The following STK17B variants were observed in gnomAD, a reference collection of about 807,000 sequenced individuals.
The protein encoded by STK17B is serine/threonine kinase 17b, also known as serine/threonine-protein kinase 17B.
A neutral mutation model predicts 42.0 loss-of-function variants in STK17B; 21 were observed. The observed-to-expected ratio is 0.50, with a 90% CI of 0.35 to 0.72. The LOEUF is 0.72. STK17B is among the 30% of genes least tolerant of loss of function. The probability of loss-of-function intolerance (pLI) is 0.00; values close to 1 mark genes in which losing one functional copy is unlikely to be tolerated. For synonymous variants in STK17B, 143 were observed against 148.4 expected (o/e 0.96, Z 0.26); for missense variants, 349 against 446.0 (o/e 0.78, Z 1.96).
At chr2:196,159,510 CTA>C (rs1048600700) in intron 2 of STK17B, among the ~76,000 whole-genome samples, 3 of 152,116 alleles carry the variant, frequency 2.0e-5, no homozygotes, top group African/African-American at 7.2e-5. Flanking sequence ...CAGTGTCTCC[CTA>C]TGTTGCCCAG....
rs1011615926 is a variant in STK17B, at chr2:196,136,195, G to A, written c.*1252C>T. ...TAACATGATAACAGACCAATATAAC[G>A]GTCATCAGGTGAAAATTCATAAAAG... On this transcript the variant is annotated 3_prime_UTR_variant, in exon 8 of 8. Transcript: ENST00000263955. 3 of 152,160 alleles carry A rather than the reference G, an allele frequency of 2.0e-5. No homozygotes were observed. The highest frequency in any genetic ancestry group is 4.4e-5 in the Non-Finnish European group (3 of 68,004). 9.4% of individuals were successfully genotyped at this position (152,160 alleles called of 1,614,324 possible). A position where few individuals can be genotyped will look rare whatever the true frequency, so the allele number is the denominator to read the frequency against.
In STK17B at chr2:196,139,605, CA is replaced by C. The variant is rs755439250; in HGVS notation, c.836+14del. 2.9e-5 allele frequency: 39 copies of C among 1,343,142 alleles called. No individual in the cohort carries two copies. The highest frequency in any genetic ancestry group is 3.5e-5 in the Non-Finnish European group (36 of 1,037,232). 83.2% of individuals were successfully genotyped at this position (1,343,142 alleles called of 1,614,324 possible). The stretch of plus-strand genomic sequence containing the variant: ...AATTAAATTTGTAATAGTATTTAAA[CA>C]AATTATTACTTACTCTGGATTTTTT... On this transcript the variant is annotated intron_variant, in intron 7 of 7. Coordinates refer to ENST00000263955, the MANE Select transcript of STK17B (RefSeq NM_004226.4).
chr2:196,136,437 T>A lies in STK17B; in HGVS notation c.*1010A>T, dbSNP rs909142638. 6.6e-6 allele frequency: 1 copy of A among 152,640 alleles called. No homozygotes were observed. The highest frequency in any genetic ancestry group is 2.4e-5 in the African/African-American group (1 of 41,442). 9.5% of individuals were successfully genotyped at this position (152,640 alleles called of 1,614,324 possible). ...CCTGATGTCATGTTTTATGATCACA[T>A]CAGTCTTGCTACCGCTGACTCGGGC... is the stretch of plus-strand genomic sequence containing the variant. On this transcript the variant is annotated 3_prime_UTR_variant, in exon 8 of 8. Coordinates refer to ENST00000263955, the MANE Select transcript of STK17B (RefSeq NM_004226.4).
At chr2:196,149,399 C>T (rs897898609) in intron 3 of STK17B, among the ~76,000 whole-genome samples, 23 of 152,048 alleles carry the variant, frequency 1.5e-4, no homozygotes, top group African/African-American at 5.6e-4. Context: ...CTCCTGACCT[C>T]GTGATCCGCC....
rs1699418625 is a variant in STK17B at position 196,137,205 on chromosome 2, AC to A, written c.*241del. On this transcript the variant is annotated 3_prime_UTR_variant, in exon 8 of 8. Coordinates refer to ENST00000263955, the MANE Select transcript of STK17B (RefSeq NM_004226.4). ...AATTATTTCATTAACATGTAAACTC[AC>A]ATGTACAATTTTACTTTTTGTCATA... 2.3e-6 allele frequency: 1 copy of A among 432,744 alleles called. No homozygotes were observed. The highest frequency in any genetic ancestry group is 4.1e-6 in the Non-Finnish European group (1 of 245,774). 26.8% of individuals were successfully genotyped at this position (432,744 alleles called of 1,614,324 possible).
chr2:196,135,015 C>T lies in STK17B; in HGVS notation c.*2432G>A, dbSNP rs935692407. 1.3e-5 allele frequency: 2 copies of T among 152,044 alleles called. No homozygotes were observed. The highest frequency in any genetic ancestry group is 4.8e-5 in the African/African-American group (2 of 41,390). 9.4% of individuals were successfully genotyped at this position (152,044 alleles called of 1,614,324 possible). ...ATATTCTTTGTGCAATCACTAGTTG[C>T]TTTTTTACTATAAAACTTAATATCA... On this transcript the variant is annotated 3_prime_UTR_variant, in exon 8 of 8. Coordinates refer to ENST00000263955, the MANE Select transcript of STK17B (RefSeq NM_004226.4).
At chr2:196,153,323 C>G (rs944504348) in intron 3 of STK17B, 9 of 144,256 alleles carry the variant, frequency 6.2e-5, no homozygotes, top group African/African-American at 2.3e-4. Flanking sequence ...TATGCTGAAA[C>G]TATTTTGTAC....
Position 196,134,107 on chromosome 2 carries a change from T to C in STK17B, c.*3340A>G, listed in dbSNP as rs1328145723. On this transcript the variant is annotated 3_prime_UTR_variant, in exon 8 of 8. Transcript: ENST00000263955. ...ATTCAAAGCATGGTCCATTAACTAT[T>C]TGTGAGCTGTCCAGAATGAAAGAGG... The C allele has an allele frequency of 1.3e-5, 2 of 152,238 alleles. No homozygotes were observed. The highest frequency in any genetic ancestry group is 1.9e-4 in the East Asian group (1 of 5,204). 9.4% of individuals were successfully genotyped at this position (152,238 alleles called of 1,614,324 possible).
upstream of STK17B, among the ~76,000 whole-genome samples, chr2:196,172,504 G>T (rs755571052): frequency 2.4e-4 from 36 of 152,330 alleles, no homozygotes; most frequent in Non-Finnish European, 5.0e-4. Flanking sequence ...TGGGAGTGGA[G>T]TCGTCCTCTT....
intron 2 of STK17B, among the ~76,000 whole-genome samples, chr2:196,158,048 T>G (rs1186733327): frequency 6.6e-6 from 1 of 152,230 alleles, no homozygotes. Flanking sequence ...AAATTTTGAA[T>G]TACTCTCTGG....
chr2:196,147,736 A>AC (rs1699599868), intron 3 of STK17B, among the ~76,000 whole-genome samples: 1 of 148,750 alleles, frequency 6.7e-6, no homozygotes, highest in African/African-American at 2.5e-5. Context: ...GACATAATAT[A>AC]TTTTTTTTTT....
At position 196,133,668 on chromosome 2, in the gene STK17B, GAAC is replaced by G. The variant is rs1354254392; in HGVS notation, c.*3776_*3778del. ...CTAGAACATGCAGACATACTTTTAA[GAAC>G]AATAAATTTAGAAATGCTTTGAAAC... On this transcript the variant is annotated 3_prime_UTR_variant, in exon 8 of 8. Coordinates refer to ENST00000263955, the MANE Select transcript of STK17B (RefSeq NM_004226.4). The G allele has an allele frequency of 6.6e-6, 1 of 152,154 alleles. No homozygotes were observed. Among genetic ancestry groups the G allele is most frequent in the Non-Finnish European group, 1.5e-5 (1 of 68,006 alleles). 9.4% of individuals were successfully genotyped at this position (152,154 alleles called of 1,614,324 possible).
chr2:196,145,624 T>G (rs571473952), intron 4 of STK17B, among the ~76,000 whole-genome samples: 12 of 152,248 alleles, frequency 7.9e-5, no homozygotes, highest in Admixed American at 2.6e-4. Flanking sequence ...AGGATGTGGT[T>G]GTAAGAGTGG....
intron 5 of STK17B, among the ~76,000 whole-genome samples, chr2:196,142,810 G>A (rs958795861): frequency 1.8e-4 from 28 of 152,146 alleles, no homozygotes; most frequent in African/African-American, 6.8e-4. Context: ...TAGCTGAGTC[G>A]CATCTGTTCT....
At position 196,137,106 on chromosome 2, in the gene STK17B, C is replaced by T. The variant is rs1021791259; in HGVS notation, c.*341G>A. 13 of 238,420 alleles carry T rather than the reference C, an allele frequency of 5.5e-5. No individual in the cohort carries two copies. The highest frequency in any genetic ancestry group is 1.1e-4 in the East Asian group (1 of 9,064). 14.8% of individuals were successfully genotyped at this position (238,420 alleles called of 1,614,324 possible). ...CAATGTCTTCACTGTGTTCAGTTTACACCAACTATAATAAAACTCAAGCCA... is the reference window on the plus strand; with the variant it reads ...CAATGTCTTCACTGTGTTCAGTTTATACCAACTATAATAAAACTCAAGCCA... On this transcript the variant is annotated 3_prime_UTR_variant, in exon 8 of 8. Transcript: ENST00000263955.
At chr2:196,170,262 A>C (rs1699922834) in intron 1 of STK17B, among the ~76,000 whole-genome samples, 1 of 152,212 alleles carries the variant, frequency 6.6e-6, no homozygotes, top group African/African-American at 2.4e-5. Context: ...CTACAGAGCT[A>C]TGCTGTCTCC....
Position 196,137,583 on chromosome 2 carries a change from G to C in STK17B, c.983C>G (p.Ser328Cys), listed in dbSNP as rs771353477. ...ATCACCACAGGTTCCATTACAGGAG[G>C]ATTTAGAAGTCTTGTCTTCAGAGGA... is the stretch of plus-strand genomic sequence containing the variant. Reference protein sequence around the residue: ...VRSSEDKTSKSSCNGTCGDRE... With the variant: ...VRSSEDKTSKCSCNGTCGDRE... Residue 328 changes from serine (S) to cysteine (C), a missense_variant, in exon 8 of 8, where the codon TCC becomes TGC. Physicochemically the swap from Ser to Cys is moderately radical, Grantham distance 112. Transcript: ENST00000263955. The C allele has an allele frequency of 3.7e-5, 59 of 1,614,012 alleles. No homozygotes were observed. The Admixed American group carries it at 9.2e-4, about 25-fold the overall frequency.
chr2:196,146,383 A>G (rs1325244804), intron 3 of STK17B, among the ~76,000 whole-genome samples: 1 of 152,054 alleles, frequency 6.6e-6, no homozygotes, highest in African/African-American at 2.4e-5. Context: ...AGGTGCCTAT[A>G]ATCTCAGCTA....
intron 5 of STK17B, 109 bp downstream of exon 5, chr2:196,143,451 C>T (rs1699521595): frequency 1.8e-6 from 2 of 1,100,376 alleles, no homozygotes; most frequent in Non-Finnish European, 2.5e-6. Context: ...TTGAACCAAT[C>T]AAATCCTTTT....
Sources: allele counts gnomAD v4.1 joint callset (sites outside exome capture counted in the v4.1 genomes callset), GRCh38; gene constraint gnomAD v4.1.1; transcripts MANE v1.5; gene names NCBI Gene and HGNC (gene_info 2026-07-23, HGNC 2026-07-21).